HNRNPM: variants seen among roughly 807,000 people sequenced by gnomAD.
HNRNPM encodes CEA receptor.
Under a neutral mutation model 73.1 loss-of-function variants are expected in HNRNPM, and 11 were observed. The ratio of observed to expected loss-of-function variants is 0.15; its 90% CI spans 0.09 to 0.25. HNRNPM has a LOEUF of 0.25. Among genes scored for constraint, HNRNPM ranks in the 10% least tolerant of loss-of-function variants. The pLI is 1.00. For missense variants in HNRNPM, 789 were observed against 1,067.9 expected, an observed-to-expected ratio of 0.74 and a Z score of 3.64; for synonymous variants, 407 against 355.2, an observed-to-expected ratio of 1.15 and a Z score of -1.64.
At chr19:8,464,337 G>A (rs1555701198) in intron 5 of HNRNPM, among the ~76,000 whole-genome samples, 1 of 151,952 alleles carries the variant, frequency 6.6e-6, no homozygotes, top group African/African-American at 2.4e-5. Flanking sequence ...AGGTTTTTTT[G>A]TTGATTAAAT....
Position 8,462,426 on chromosome 19 carries a change from A to C in HNRNPM, c.284-103A>C. 1.1e-6 allele frequency: 1 copy of C among 947,404 alleles called. No homozygotes were observed. Among genetic ancestry groups the C allele is most frequent in the Non-Finnish European group, 1.7e-6 (1 of 577,344 alleles). 58.7% of individuals were successfully genotyped at this position (947,404 alleles called of 1,614,324 possible). A position where few individuals can be genotyped will look rare whatever the true frequency, so the allele number is the denominator to read the frequency against. ...TGGAGTGTTTCTGGGCTTTCTTATAAGGCAGAGGCTCCATACAAGGTTGCT... is the reference window on the plus strand; with the variant it reads ...TGGAGTGTTTCTGGGCTTTCTTATACGGCAGAGGCTCCATACAAGGTTGCT... On this transcript the variant is annotated intron_variant, in intron 2 of 15. Coordinates refer to ENST00000325495, the MANE Select transcript of HNRNPM (RefSeq NM_005968.5). This position sits in a 1 kb window ranked among gnomAD's most constrained non-coding sequence, Gnocchi z 4.5.
intron 6 of HNRNPM, among the ~76,000 whole-genome samples, chr19:8,465,896 A>G (rs1969711593): frequency 6.6e-6 from 1 of 152,140 alleles, no homozygotes; most frequent in South Asian, 2.1e-4. Flanking sequence ...AAGGGGAAAT[A>G]TTTTTAGAAT....
At chr19:8,485,045 C>G (rs1971175787) in intron 13 of HNRNPM, among the ~76,000 whole-genome samples, 1 of 151,790 alleles carries the variant, frequency 6.6e-6, no homozygotes, top group Non-Finnish European at 1.5e-5. Flanking sequence ...TTTTTTTGAC[C>G]TCTGCTTGAT....
Position 8,445,045 on chromosome 19 carries a change from T to C in HNRNPM, c.47T>C (p.Ile16Thr), listed in dbSNP as rs1968029118. 7.0e-7 allele frequency: 1 copy of C among 1,427,734 alleles called. No homozygotes were observed. The highest frequency in any genetic ancestry group is 9.1e-7 in the Non-Finnish European group (1 of 1,094,048). The allele number at this position is 1,427,734 out of a possible 1,614,324, so 88.4% of individuals were successfully genotyped here. Residue 16 changes from isoleucine to threonine, a missense_variant, in exon 1 of 16, where the codon ATC (isoleucine) becomes ACC (threonine). By Grantham distance (89) the Ile-to-Thr change is moderately conservative (BLOSUM62 -1). Coordinates refer to ENST00000325495, the MANE Select transcript of HNRNPM (RefSeq NM_005968.5). ...EAAAEVAATE[I>T]KMEEESGAPG... The stretch of plus-strand genomic sequence containing the variant: ...GCGGCGGAGGTGGCGGCGACGGAGA[T>C]CAAAATGGAGGAAGAGAGCGGCGCG...
In HNRNPM at chr19:8,474,051, C is replaced by T. The variant is rs1970337422; in HGVS notation, c.1043-116C>T. 5 of 761,908 alleles carry T rather than the reference C, an allele frequency of 6.6e-6. No individual in the cohort carries two copies. The East Asian group carries it at 1.4e-4, about 22-fold the overall frequency. The allele number at this position is 761,908 out of a possible 1,614,324, so 47.2% of individuals were successfully genotyped here. Reference sequence around the variant, plus strand: ...TTTTTGTTTTTCAAAAGCCTTTAAACTTGGTAAGTTCTTGGCAGAAGATAC... The same window carrying T: ...TTTTTGTTTTTCAAAAGCCTTTAAATTTGGTAAGTTCTTGGCAGAAGATAC... On this transcript the variant is annotated intron_variant, in intron 11 of 15. Coordinates refer to ENST00000325495, the MANE Select transcript of HNRNPM (RefSeq NM_005968.5).
At position 8,485,900 on chromosome 19, in the gene HNRNPM, G is replaced by A; in HGVS notation, c.1472G>A (p.Gly491Asp). ...SGVERMGAGM[G>D]FGLERMAAPI... is the part of the protein sequence containing the mutation. ...GTGGAGCGCATGGGTGCCGGCATGGGCTTCGGCCTTGAGCGCATGGCCGCT... is the reference window on the plus strand; with the variant it reads ...GTGGAGCGCATGGGTGCCGGCATGGACTTCGGCCTTGAGCGCATGGCCGCT... The change falls in exon 14 of 16, where the codon GGC (glycine) becomes GAC (aspartate). Residue 491 changes from glycine (G) to aspartate (D), a missense_variant. By Grantham distance (94) the Gly-to-Asp change is moderately conservative. This residue lies in a region of HNRNPM where 604 missense variants were observed against 744.0 expected (regional missense o/e 0.81). Coordinates refer to ENST00000325495, the MANE Select transcript of HNRNPM (RefSeq NM_005968.5). The A allele has an allele frequency of 6.2e-7, 1 of 1,603,982 alleles. No individual in the cohort carries two copies. Among genetic ancestry groups the A allele is most frequent in the Non-Finnish European group, 8.5e-7 (1 of 1,179,258 alleles).
chr19:8,470,138 T>G (rs576142018), intron 9 of HNRNPM, among the ~76,000 whole-genome samples: 2 of 152,178 alleles, frequency 1.3e-5, no homozygotes, highest in Non-Finnish European at 2.9e-5. Context: ...TGGCTCTTGG[T>G]CTCCCGGCCA....
intron 10 of HNRNPM, among the ~76,000 whole-genome samples, chr19:8,472,346 A>G (rs1288721008): frequency 2.6e-5 from 4 of 152,154 alleles, no homozygotes; most frequent in Non-Finnish European, 5.9e-5. Flanking sequence ...AAATTGGAAT[A>G]TGGAAGCCCC....
intron 13 of HNRNPM, 40 bp downstream of exon 13, chr19:8,483,251 A>T (rs191119234): frequency 6.6e-7 from 1 of 1,509,298 alleles, no homozygotes; most frequent in Non-Finnish European, 9.2e-7. Flanking sequence ...TTTTTAGAAC[A>T]GGCTGTTATC....
rs921321533 is a variant in HNRNPM, at chr19:8,462,677, T to G, written c.336+96T>G. The G allele has an allele frequency of 3.9e-6, 4 of 1,031,340 alleles. No individual in the cohort carries two copies. The highest frequency in any genetic ancestry group is 6.2e-6 in the Non-Finnish European group (4 of 649,884). The allele number at this position is 1,031,340 out of a possible 1,614,324, so 63.9% of individuals were successfully genotyped here. ...CGAATGAAATCAGGAAGGCAGTGAG[T>G]GCTCATGTTACAGTAGCTATGTTTG... On this transcript the variant is annotated intron_variant, in intron 3 of 15. Transcript: ENST00000325495. This position sits in a 1 kb window ranked among gnomAD's most constrained non-coding sequence, Gnocchi z 4.5.
At chr19:8,479,006 C>T (rs1363601135) in intron 12 of HNRNPM, among the ~76,000 whole-genome samples, 4 of 151,072 alleles carry the variant, frequency 2.6e-5, no homozygotes, top group South Asian at 2.1e-4. Context: ...TAGGCCTATC[C>T]GTATGCAGAG....
At chr19:8,488,516 G>T in intron 15 of HNRNPM, 175 bp from the exon 16 acceptor site, 1 of 523,690 alleles carries the variant, frequency 1.9e-6, no homozygotes, top group Non-Finnish European at 3.4e-6. Context: ...GGCAGGGGCA[G>T]GCTCTGTTAG....
intron 12 of HNRNPM, among the ~76,000 whole-genome samples, chr19:8,477,040 A>G (rs990553289): frequency 6.6e-6 from 1 of 152,218 alleles, no homozygotes; most frequent in South Asian, 2.1e-4. Context: ...TGCTGCTGCC[A>G]CATCTCTAAT....
At chr19:8,475,903 C>CTG (rs1970468618) in intron 12 of HNRNPM, among the ~76,000 whole-genome samples, 1 of 105,452 alleles carries the variant, frequency 9.5e-6, no homozygotes, top group African/African-American at 3.3e-5. Flanking sequence ...CCCCATCTCT[C>CTG]TCTTTTTTTT....
At chr19:8,475,079 T>G (rs1355431043) in intron 12 of HNRNPM, among the ~76,000 whole-genome samples, 3 of 152,266 alleles carry the variant, frequency 2.0e-5, no homozygotes, top group Non-Finnish European at 2.9e-5. Flanking sequence ...CATTTAGTCC[T>G]TGTGAGAACC....
intron 13 of HNRNPM, among the ~76,000 whole-genome samples, 197 bp from the exon 14 acceptor site, chr19:8,485,406 C>T (rs989066194): frequency 2.6e-5 from 4 of 152,214 alleles, no homozygotes; most frequent in African/African-American, 9.6e-5. Context: ...TGGCATAGAG[C>T]AGAGAGAATG....
rs1162620810 is a variant in HNRNPM at position 8,471,313 on chromosome 19, C to CT, written c.896-9dup. On this transcript the variant is annotated splice_polypyrimidine_tract_variant and intron_variant, in intron 9 of 15. Coordinates refer to ENST00000325495, the MANE Select transcript of HNRNPM (RefSeq NM_005968.5). ...ATAGGGGAAAACTAAGCTTCTTTCT[C>CT]TTTTCTTTCCAGATGGCCTTGGTGG... The CT allele has an allele frequency of 6.5e-7, 1 of 1,526,852 alleles. No homozygotes were observed. The highest frequency in any genetic ancestry group is 1.4e-5 in the African/African-American group (1 of 71,118). 94.6% of individuals were successfully genotyped at this position (1,526,852 alleles called of 1,614,324 possible).
chr19:8,489,093 A>G lies in HNRNPM; in HGVS notation c.*239A>G, dbSNP rs1318913840. 6 of 421,458 alleles carry G rather than the reference A, an allele frequency of 1.4e-5. No individual in the cohort carries two copies. The highest frequency in any genetic ancestry group is 4.5e-5 in the East Asian group (1 of 22,232). 26.1% of individuals were successfully genotyped at this position (421,458 alleles called of 1,614,324 possible). A position where few individuals can be genotyped will look rare whatever the true frequency, so the allele number is the denominator to read the frequency against. On this transcript the variant is annotated 3_prime_UTR_variant, in exon 16 of 16. Coordinates refer to ENST00000325495, the MANE Select transcript of HNRNPM (RefSeq NM_005968.5). ...TGTTGACATCGAATATGACTTTGAT[A>G]ATAAATACCGGTTCCTGAAAACGGC...
intron 3 of HNRNPM, 72 bp from the exon 4 acceptor site, chr19:8,463,425 G>T (rs1969524182): frequency 6.3e-6 from 9 of 1,430,922 alleles, no homozygotes; most frequent in Non-Finnish European, 7.9e-6. Flanking sequence ...AACTGTCATT[G>T]ATATTTACTA....
Sources: allele counts gnomAD v4.1 joint callset (sites outside exome capture counted in the v4.1 genomes callset), GRCh38; gene constraint gnomAD v4.1.1; regional missense constraint gnomAD v4.1.1; non-coding constraint Gnocchi (gnomAD v3.1); transcripts MANE v1.5; gene names NCBI Gene and HGNC (gene_info 2026-07-23, HGNC 2026-07-21).